The following R3HCC1L variants were observed in gnomAD, a reference collection of about 807,000 sequenced individuals.
R3HCC1L encodes coiled-coil domain-containing protein R3HCC1L.
Under a neutral mutation model 59.9 loss-of-function variants are expected in R3HCC1L, and 51 were observed. That is an observed-to-expected ratio of 0.85 (90% confidence interval 0.68 to 1.07). R3HCC1L has a LOEUF of 1.07. Ranked by LOEUF, R3HCC1L falls within the 50% of genes least tolerant of loss-of-function variation. The pLI is 0.00. For synonymous variants in R3HCC1L, 322 were observed against 315.2 expected (o/e 1.02, Z -0.23); for missense variants, 965 against 933.0 (o/e 1.03, Z -0.45).
chr10:98,154,908 C>A (rs1190887558), intron 1 of R3HCC1L, among the ~76,000 whole-genome samples: 8 of 152,058 alleles, frequency 5.3e-5, no homozygotes, highest in East Asian at 1.9e-4. Context: ...TTATCAGTTT[C>A]TCATAAAGAA....
In R3HCC1L at chr10:98,209,531, T is replaced by G; in HGVS notation, c.1417T>G (p.Leu473Val). ...IESLSDCASS[L>V]PIKKIAGSNY... ...GAGCTTGTCAGATTGTGCTTCCTCC[T>G]TACCTATAAAAAAGATTGCTGGTAG... The change falls in exon 5 of 10, where the codon TTA becomes GTA. Residue 473 changes from leucine to valine, a missense_variant. Coordinates refer to ENST00000298999, the MANE Select transcript of R3HCC1L (RefSeq NM_001351015.2). 8.7e-6 allele frequency: 14 copies of G among 1,613,908 alleles called. No individual in the cohort carries two copies. Among genetic ancestry groups the G allele is most frequent in the Non-Finnish European group, 1.2e-5 (14 of 1,179,958 alleles).
At chr10:98,169,831 G>T (rs778408066) in intron 4 of R3HCC1L, among the ~76,000 whole-genome samples, 44 of 149,860 alleles carry the variant, frequency 2.9e-4, no homozygotes, top group African/African-American at 1.1e-3. Flanking sequence ...TAGGGAATAT[G>T]TAAAACTAAC....
chr10:98,186,975 C>T (rs1237495201), intron 4 of R3HCC1L, among the ~76,000 whole-genome samples: 1 of 151,950 alleles, frequency 6.6e-6, no homozygotes, highest in East Asian at 1.9e-4. Flanking sequence ...CTTGAGTCTT[C>T]ATTTATTTGT....
At chr10:98,157,077 A>G (rs1846956194) in intron 2 of R3HCC1L, among the ~76,000 whole-genome samples, 1 of 152,204 alleles carries the variant, frequency 6.6e-6, no homozygotes, top group South Asian at 2.1e-4. Flanking sequence ...TTGAAGGCAT[A>G]GTTTCTTTTT....
At chr10:98,172,563 C>T (rs10509718) in intron 4 of R3HCC1L, among the ~76,000 whole-genome samples, 27,827 of 152,084 alleles carry the variant, frequency 0.18, 2,695 homozygotes, top group Non-Finnish European at 0.2. Flanking sequence ...CATCTGGAGG[C>T]TCCATAGAAG....
intron 4 of R3HCC1L, among the ~76,000 whole-genome samples, chr10:98,183,931 TG>T (rs1849923392): frequency 6.6e-6 from 1 of 151,240 alleles, no homozygotes; most frequent in Non-Finnish European, 1.5e-5. Context: ...TCTATTGTTT[TG>T]TTTTTTTTTC....
chr10:98,229,250 T>C (rs1245781337), intron 5 of R3HCC1L, among the ~76,000 whole-genome samples: 2 of 152,212 alleles, frequency 1.3e-5, no homozygotes, highest in African/African-American at 2.4e-5. Context: ...TTGTATCCTC[T>C]TTTATTTCAT....
chr10:98,185,252 T>C (rs1039510844), intron 4 of R3HCC1L, among the ~76,000 whole-genome samples: 93 of 152,320 alleles, frequency 6.1e-4, no homozygotes, highest in African/African-American at 2.0e-3. Flanking sequence ...GTCTGTGCTA[T>C]GTGTCTAGGC....
chr10:98,212,657 C>A (rs1853716860), intron 5 of R3HCC1L, among the ~76,000 whole-genome samples: 2 of 152,116 alleles, frequency 1.3e-5, no homozygotes, highest in African/African-American at 4.8e-5. Flanking sequence ...CCTCTGAATT[C>A]TTGGTAGAAG....
chr10:98,225,925 C>T lies in R3HCC1L; in HGVS notation c.1786-5587C>T, dbSNP rs146611737. Reference sequence around the variant, plus strand: ...GCACAGTCTTGGCTCACTGCAGCCTCGACCTCCCGGACTCAAGCTATCCTC... The same window carrying T: ...GCACAGTCTTGGCTCACTGCAGCCTTGACCTCCCGGACTCAAGCTATCCTC... On this transcript the variant is annotated intron_variant, in intron 5 of 9. Transcript: ENST00000298999. 1.4e-3 allele frequency among the ~76,000 whole-genome samples: 220 copies of T among 152,176 alleles called. No individual in the cohort carries two copies. The Middle Eastern group carries it at 0.024, about 16-fold the overall frequency.
intron 4 of R3HCC1L, among the ~76,000 whole-genome samples, chr10:98,181,046 T>A (rs1849573606): frequency 3.3e-5 from 5 of 152,256 alleles, no homozygotes; most frequent in Admixed American, 2.6e-4. Flanking sequence ...TTAGCCCATT[T>A]ACATTTAAGG....
rs1372964553 is a variant in R3HCC1L at position 98,227,582 on chromosome 10, T to G, written c.1786-3930T>G. Among the ~76,000 whole-genome samples the G allele has an allele frequency of 5.9e-5, 9 of 151,624 alleles. No homozygotes were observed. In the East Asian group the frequency reaches 7.7e-4, roughly 13 times the overall value. ...TGGGTCATCAGCAGTGTGTGTTTTT[T>G]TTTTTTTTTTTAATTATACTTTAAG... is the stretch of plus-strand genomic sequence containing the variant. On this transcript the variant is annotated intron_variant, in intron 5 of 9. Transcript: ENST00000298999.
intron 5 of R3HCC1L, among the ~76,000 whole-genome samples, chr10:98,212,134 A>G (rs1352903943): frequency 6.6e-6 from 1 of 152,182 alleles, no homozygotes; most frequent in Non-Finnish European, 1.5e-5. Flanking sequence ...TAGCAGATCC[A>G]ACTCCTCTGC....
At chr10:98,149,529 G>T (rs1449715218) in intron 1 of R3HCC1L, among the ~76,000 whole-genome samples, 1 of 152,104 alleles carries the variant, frequency 6.6e-6, no homozygotes, top group African/African-American at 2.4e-5. Flanking sequence ...TCTATAGATT[G>T]TGGTGTGTTA....
chr10:98,194,110 A>G (rs1851154460), intron 4 of R3HCC1L, among the ~76,000 whole-genome samples: 1 of 152,174 alleles, frequency 6.6e-6, no homozygotes, highest in Admixed American at 6.5e-5. Context: ...TGATCAAAAC[A>G]GTATGGTGTT....
chr10:98,157,693 C>G (rs1295744911), intron 2 of R3HCC1L, among the ~76,000 whole-genome samples: 1 of 152,134 alleles, frequency 6.6e-6, no homozygotes, highest in African/African-American at 2.4e-5. Context: ...CTTTTTTTCT[C>G]TTCTCTGCTG....
At chr10:98,211,727 G>A (rs1449906193) in intron 5 of R3HCC1L, among the ~76,000 whole-genome samples, 9 of 152,088 alleles carry the variant, frequency 5.9e-5, no homozygotes, top group Non-Finnish European at 1.3e-4. Flanking sequence ...AGAGTTGGGG[G>A]CTCTGTCTTT....
intron 1 of R3HCC1L, among the ~76,000 whole-genome samples, chr10:98,141,969 A>G (rs1241121221): frequency 6.6e-6 from 1 of 152,230 alleles, no homozygotes; most frequent in Non-Finnish European, 1.5e-5. Flanking sequence ...ATGAGTTAAT[A>G]AAACAGTATC....
intron 5 of R3HCC1L, among the ~76,000 whole-genome samples, chr10:98,224,553 T>C (rs1474454531): frequency 6.6e-6 from 1 of 152,196 alleles, no homozygotes; most frequent in South Asian, 2.1e-4. Flanking sequence ...AAGTTAATTT[T>C]AATTTAGTTG....
Sources: allele counts gnomAD v4.1 joint callset (sites outside exome capture counted in the v4.1 genomes callset), GRCh38; gene constraint gnomAD v4.1.1; transcripts MANE v1.5; gene names NCBI Gene and HGNC (gene_info 2026-07-23, HGNC 2026-07-21).